The following PCDH9 variants were observed in gnomAD, a reference collection of about 807,000 sequenced individuals.
PCDH9 encodes the protein protocadherin-9.
In PCDH9, 24 loss-of-function variants were observed where a neutral mutation model predicts 70.6. That is an observed-to-expected ratio of 0.34 (90% CI 0.25 to 0.48). PCDH9 has a LOEUF of 0.48. Ranked by LOEUF, PCDH9 falls within the 20% of genes least tolerant of loss-of-function variation. The pLI is 0.99. For synonymous variants in PCDH9, 562 were observed against 558.5 expected (o/e 1.01, Z -0.09); for missense variants, 1,281 against 1,503.6 (o/e 0.85, Z 2.45).
At chr13:66,411,837 G>A (rs1485747080) in intron 4 of PCDH9, among the ~76,000 whole-genome samples, 1 of 152,150 alleles carries the variant, frequency 6.6e-6, no homozygotes, top group Non-Finnish European at 1.5e-5. Flanking sequence ...GATCTAGACA[G>A]CTACTTATGA....
chr13:67,169,832 A>C (rs2088227930), intron 2 of PCDH9, among the ~76,000 whole-genome samples: 1 of 152,160 alleles, frequency 6.6e-6, no homozygotes, highest in Non-Finnish European at 1.5e-5. Context: ...TTTTTTGTCT[A>C]AATAGTTAAT....
chr13:66,956,674 C>A (rs2083269767), intron 2 of PCDH9, among the ~76,000 whole-genome samples: 1 of 152,150 alleles, frequency 6.6e-6, no homozygotes, highest in African/African-American at 2.4e-5. Flanking sequence ...CACTTGAACC[C>A]AGGAGGTGGA....
intron 4 of PCDH9, among the ~76,000 whole-genome samples, chr13:66,541,137 C>A (rs1249328334): frequency 1.3e-5 from 2 of 152,126 alleles, no homozygotes; most frequent in Non-Finnish European, 2.9e-5. Flanking sequence ...TACACTTATC[C>A]ATTTCACTAC....
intron 2 of PCDH9, among the ~76,000 whole-genome samples, chr13:67,080,320 G>A (rs2085958621): frequency 6.6e-6 from 1 of 152,054 alleles, no homozygotes; most frequent in Non-Finnish European, 1.5e-5. Flanking sequence ...AAACTCTAAA[G>A]CTTTATTAAC....
At chr13:66,826,848 A>G (rs1287709540) in intron 3 of PCDH9, among the ~76,000 whole-genome samples, 2 of 152,264 alleles carry the variant, frequency 1.3e-5, no homozygotes, top group African/African-American at 4.8e-5. Flanking sequence ...GAGGCTGTAA[A>G]ACCTTGATTT....
chr13:66,425,827 C>A (rs115762472), intron 4 of PCDH9, among the ~76,000 whole-genome samples: 1,695 of 151,660 alleles, frequency 0.011, 29 homozygotes, highest in African/African-American at 0.038. Flanking sequence ...CAGTGGTTTA[C>A]CAGATTGGGG....
chr13:66,797,344 G>A (rs1305748436), intron 3 of PCDH9, among the ~76,000 whole-genome samples: 1 of 152,060 alleles, frequency 6.6e-6, no homozygotes, highest in Admixed American at 6.5e-5. Context: ...TTATTTAAAA[G>A]TAATTTATAC....
intron 3 of PCDH9, among the ~76,000 whole-genome samples, chr13:66,892,746 A>T (rs919237922): frequency 6.6e-6 from 1 of 152,110 alleles, no homozygotes; most frequent in African/African-American, 2.4e-5. Flanking sequence ...ATTCATTTGA[A>T]AATAATATGC....
intron 2 of PCDH9, among the ~76,000 whole-genome samples, chr13:67,100,877 G>C (rs887185116): frequency 1.3e-5 from 2 of 152,166 alleles, no homozygotes; most frequent in Admixed American, 6.5e-5. Context: ...TAAAGAAGTA[G>C]TGCAGAGAAT....
intron 2 of PCDH9, among the ~76,000 whole-genome samples, chr13:67,154,603 TATACACACACACACACAC>T (rs1326340845): frequency 5.9e-5 from 5 of 84,780 alleles, no homozygotes; most frequent in African/African-American, 2.5e-4. Flanking sequence ...AAAATATATA[TATACACACACACACACAC>T]ACACACACAC....
At chr13:67,131,664 A>G (rs2087115359) in intron 2 of PCDH9, among the ~76,000 whole-genome samples, 1 of 152,210 alleles carries the variant, frequency 6.6e-6, no homozygotes, top group Non-Finnish European at 1.5e-5. Flanking sequence ...AGAAAAATTC[A>G]GAGAATGTTT....
Position 66,573,003 on chromosome 13 carries a change from C to A in PCDH9, c.3340+58207G>T, listed in dbSNP as rs2076755659. ...TTTCTATTTTTAGTTTTGTGAGAAA[C>A]CCCAATACTGTTTTCCATAATGGCT... On this transcript the variant is annotated intron_variant, in intron 4 of 4. Transcript: ENST00000377865. Among the ~76,000 whole-genome samples, 5 of 152,012 alleles carry A rather than the reference C, an allele frequency of 3.3e-5. 1 individual carries two copies. Among genetic ancestry groups the A allele is most frequent in the African/African-American group, 9.7e-5 (4 of 41,398 alleles).
At chr13:66,849,501 T>TAG (rs1276440716) in intron 3 of PCDH9, among the ~76,000 whole-genome samples, 258 of 82,646 alleles carry the variant, frequency 3.1e-3, no homozygotes, top group Non-Finnish European at 4.2e-3. Context: ...TATATATATA[T>TAG]ATATATATAT....
At chr13:67,009,522 A>T (rs2139837924) in intron 2 of PCDH9, among the ~76,000 whole-genome samples, 1 of 152,160 alleles carries the variant, frequency 6.6e-6, no homozygotes, top group Non-Finnish European at 1.5e-5. Flanking sequence ...TCCTCCCCTG[A>T]ATCAAGCATC....
intron 4 of PCDH9, among the ~76,000 whole-genome samples, chr13:66,545,131 G>A (rs1961127937): frequency 6.6e-6 from 1 of 152,098 alleles, no homozygotes; most frequent in East Asian, 1.9e-4. Context: ...AGAAAAACAA[G>A]GTATTTTTAA....
intron 4 of PCDH9, among the ~76,000 whole-genome samples, chr13:66,319,837 C>T (rs547766179): frequency 9.2e-5 from 14 of 152,166 alleles, no homozygotes; most frequent in African/African-American, 2.7e-4. Context: ...AAAATCGTTA[C>T]ATGTTCTTTA....
intron 3 of PCDH9, among the ~76,000 whole-genome samples, chr13:66,702,678 T>C (rs1265394788): frequency 6.6e-6 from 1 of 152,198 alleles, no homozygotes; most frequent in Admixed American, 6.5e-5. Flanking sequence ...TGTATATGTA[T>C]ATCAAAACAT....
intron 2 of PCDH9, among the ~76,000 whole-genome samples, chr13:67,071,780 T>C (rs1232158319): frequency 6.6e-6 from 1 of 151,082 alleles, no homozygotes; most frequent in African/African-American, 2.4e-5. Flanking sequence ...TCCCAGCTAC[T>C]CTGGAGGCTG....
intron 4 of PCDH9, among the ~76,000 whole-genome samples, chr13:66,311,543 T>C (rs1593780565): frequency 6.6e-6 from 1 of 152,108 alleles, no homozygotes; most frequent in Admixed American, 6.6e-5. Context: ...TCCACTATTC[T>C]ACTCTATGTT....
Sources: gnomAD v4.1 joint callset for allele counts (sites outside exome capture counted in the v4.1 genomes callset) on GRCh38, gnomAD v4.1.1 for gene constraint, MANE v1.5 for transcripts, NCBI Gene and HGNC (gene_info 2026-07-23, HGNC 2026-07-21) for gene names.